Variants in RPS6KA5 observed in about 807,000 individuals in gnomAD.
RPS6KA5 encodes the protein ribosomal protein S6 kinase alpha-5.
Under a neutral mutation model 85.5 loss-of-function variants are expected in RPS6KA5, and 27 were observed. The ratio of observed to expected loss-of-function variants is 0.32; its 90% CI spans 0.23 to 0.44. RPS6KA5 has a LOEUF of 0.44. Ranked by LOEUF, RPS6KA5 falls within the 20% of genes least tolerant of loss-of-function variation. The pLI is 1.00. For missense variants in RPS6KA5, 811 were observed against 980.9 expected, an observed-to-expected ratio of 0.83 and a Z score of 2.31; for synonymous variants, 334 against 348.2, an observed-to-expected ratio of 0.96 and a Z score of 0.46.
intron 5 of RPS6KA5, among the ~76,000 whole-genome samples, chr14:90,938,860 G>C (rs912938735): frequency 2.0e-5 from 3 of 152,160 alleles, no homozygotes; most frequent in African/African-American, 7.2e-5. Flanking sequence ...CTGCCATAAA[G>C]GTCTCTGGCA....
At position 90,862,849 on chromosome 14, in the gene RPS6KA5, T is replaced by C. The variant is rs2032626552; in HGVS notation, c.*9225A>G. 2.0e-5 allele frequency: 3 copies of C among 151,786 alleles called. 1 individual carries two copies. In the South Asian group the frequency reaches 6.2e-4, roughly 32 times the overall value. The allele number at this position is 151,786 out of a possible 1,614,324, so 9.4% of individuals were successfully genotyped here. On this transcript the variant is annotated 3_prime_UTR_variant, in exon 17 of 17. Coordinates refer to ENST00000614987, the MANE Select transcript of RPS6KA5 (RefSeq NM_004755.4). ...GATATATGAAAAGGGCAATACATCA[T>C]GAAAATGGAATTTATTCTATTTTCA... is the stretch of plus-strand genomic sequence containing the variant.
chr14:90,883,039 C>G (rs1210952303), intron 14 of RPS6KA5, among the ~76,000 whole-genome samples: 1 of 152,108 alleles, frequency 6.6e-6, no homozygotes, highest in South Asian at 2.1e-4. Flanking sequence ...CTCAAGTGAT[C>G]AGCCCACCTC....
At chr14:90,953,441 T>C (rs2038322861) in intron 3 of RPS6KA5, among the ~76,000 whole-genome samples, 1 of 152,174 alleles carries the variant, frequency 6.6e-6, no homozygotes, top group Non-Finnish European at 1.5e-5. Context: ...AAAACGTGTG[T>C]TTGAACAATA....
At chr14:90,950,980 C>T (rs530212759) in intron 3 of RPS6KA5, among the ~76,000 whole-genome samples, 1 of 151,822 alleles carries the variant, frequency 6.6e-6, no homozygotes, top group African/African-American at 2.4e-5. Flanking sequence ...ATTAGCCAGG[C>T]GTGGTGGTGC....
chr14:90,918,404 T>C (rs1338710504), intron 7 of RPS6KA5, among the ~76,000 whole-genome samples: 2 of 152,218 alleles, frequency 1.3e-5, no homozygotes, highest in African/African-American at 4.8e-5. Flanking sequence ...GTTTTAAGAA[T>C]TCTTTATACA....
intron 5 of RPS6KA5, among the ~76,000 whole-genome samples, chr14:90,933,217 ATTCATAGATCCAG>A (rs1327308327): frequency 6.6e-6 from 1 of 152,164 alleles, no homozygotes; most frequent in African/African-American, 2.4e-5. Flanking sequence ...CAAATTCCAA[ATTCATAGATCCAG>A]ACCAGACTTC....
intron 1 of RPS6KA5, among the ~76,000 whole-genome samples, chr14:91,051,090 G>A (rs935549971): frequency 1.3e-5 from 2 of 151,690 alleles, no homozygotes; most frequent in African/African-American, 2.4e-5. Context: ...TAAGCTAAGC[G>A]TGGCGGTGTG....
chr14:90,988,062 C>G (rs1215400694), intron 2 of RPS6KA5, among the ~76,000 whole-genome samples: 1 of 152,108 alleles, frequency 6.6e-6, no homozygotes, highest in Non-Finnish European at 1.5e-5. Context: ...ATCCCAAGAC[C>G]AACGGGAATG....
chr14:90,960,992 A>C (rs1172180853), intron 3 of RPS6KA5, among the ~76,000 whole-genome samples: 2 of 152,244 alleles, frequency 1.3e-5, no homozygotes, highest in Admixed American at 6.5e-5. Flanking sequence ...GTACGGAAGT[A>C]GCGTAATAAC....
At chr14:91,014,658 T>C (rs2041406591) in intron 1 of RPS6KA5, among the ~76,000 whole-genome samples, 1 of 152,130 alleles carries the variant, frequency 6.6e-6, no homozygotes, top group Admixed American at 6.5e-5. Flanking sequence ...TGCTTATTTC[T>C]AAATAGCGAT....
chr14:90,946,662 A>G (rs944587657), intron 4 of RPS6KA5, among the ~76,000 whole-genome samples: 2 of 152,130 alleles, frequency 1.3e-5, no homozygotes, highest in African/African-American at 4.8e-5. Flanking sequence ...GGGTGGCTTC[A>G]TGATGTACCT....
intron 5 of RPS6KA5, among the ~76,000 whole-genome samples, chr14:90,924,810 T>C (rs1404414530): frequency 6.6e-6 from 1 of 152,232 alleles, no homozygotes; most frequent in African/African-American, 2.4e-5. Context: ...GCTGGTTTCC[T>C]TCTAGGGAGG....
chr14:91,023,458 T>G (rs1186612202), intron 1 of RPS6KA5, among the ~76,000 whole-genome samples: 1 of 152,070 alleles, frequency 6.6e-6, no homozygotes, highest in Non-Finnish European at 1.5e-5. Flanking sequence ...GGCTAATTTT[T>G]GTATTTTTAG....
intron 4 of RPS6KA5, among the ~76,000 whole-genome samples, chr14:90,944,803 G>T (rs1345675505): frequency 6.6e-6 from 1 of 150,920 alleles, no homozygotes; most frequent in Middle Eastern, 3.5e-3. Context: ...TGTAGTCCTA[G>T]AGCTACTCGG....
Position 90,994,123 on chromosome 14 carries a change from C to A in RPS6KA5, c.175+6965G>T, listed in dbSNP as rs531256366. 2.6e-5 allele frequency among the ~76,000 whole-genome samples: 4 copies of A among 152,282 alleles called. No homozygotes were observed. In the South Asian group the frequency reaches 8.3e-4, roughly 32 times the overall value. ...GCCCAGACAGATGGGGATTCTCCCA[C>A]CTCAGCTTCCCAAAGTGCTGGGATT... On this transcript the variant is annotated intron_variant, in intron 2 of 16. Transcript: ENST00000614987.
At chr14:90,894,689 C>T in intron 12 of RPS6KA5, 106 bp from the exon 13 acceptor site, 2 of 1,274,592 alleles carry the variant, frequency 1.6e-6, no homozygotes, top group South Asian at 1.7e-5. Flanking sequence ...TAAATAATCC[C>T]CTGTTAAAAT....
chr14:90,883,355 T>C (rs1477277863), intron 14 of RPS6KA5, among the ~76,000 whole-genome samples: 1 of 152,176 alleles, frequency 6.6e-6, no homozygotes, highest in Admixed American at 6.5e-5. Flanking sequence ...ACTCAATAAT[T>C]TTAATTGTCC....
At chr14:90,969,080 T>A (rs1293496210) in intron 3 of RPS6KA5, among the ~76,000 whole-genome samples, 1 of 152,216 alleles carries the variant, frequency 6.6e-6, no homozygotes, top group East Asian at 1.9e-4. Flanking sequence ...TGTGTTTGTA[T>A]GTATATGGAA....
chr14:91,018,121 TA>T (rs1436453555), intron 1 of RPS6KA5, among the ~76,000 whole-genome samples: 3 of 152,212 alleles, frequency 2.0e-5, no homozygotes, highest in South Asian at 4.1e-4. Context: ...ACCTCCCAGG[TA>T]AAAAACCACA....
Sources: gnomAD v4.1 joint callset for allele counts (sites outside exome capture counted in the v4.1 genomes callset) on GRCh38, gnomAD v4.1.1 for gene constraint, MANE v1.5 for transcripts, NCBI Gene and HGNC (gene_info 2026-07-23, HGNC 2026-07-21) for gene names.